Variants in PPP3CC observed in about 807,000 individuals in gnomAD.
PPP3CC encodes the protein protein phosphatase 3 catalytic subunit gamma, also known as serine/threonine-protein phosphatase 2B catalytic subunit gamma isoform.
In PPP3CC, 35 loss-of-function variants were observed where a neutral mutation model predicts 60.3. The observed-to-expected ratio is 0.58, with a 90% confidence interval of 0.44 to 0.77. The LOEUF (loss-of-function observed/expected upper bound fraction) is 0.77. Ranked by LOEUF, PPP3CC falls within the 30% of genes least tolerant of loss-of-function variation. The pLI, the probability that PPP3CC is intolerant of heterozygous loss-of-function variation, is 0.00. For missense variants in PPP3CC, 570 were observed against 628.9 expected (o/e 0.91, Z 1.00); for synonymous variants, 206 against 224.3 (o/e 0.92, Z 0.73).
intron 4 of PPP3CC, among the ~76,000 whole-genome samples, chr8:22,502,881 T>C (rs1467987690): frequency 6.6e-6 from 1 of 152,078 alleles, no homozygotes; most frequent in Non-Finnish European, 1.5e-5. Flanking sequence ...TTGTTTTGTT[T>C]TTGTTTTGTT....
At chr8:22,473,655 G>A (rs974586419) in intron 1 of PPP3CC, among the ~76,000 whole-genome samples, 64 of 151,892 alleles carry the variant, frequency 4.2e-4, no homozygotes, top group African/African-American at 1.5e-3. Flanking sequence ...GTAAAGACAG[G>A]GTTTCACCAT....
At chr8:22,531,285 G>A in intron 10 of PPP3CC, 1 of 1,528,186 alleles carries the variant, frequency 6.5e-7, no homozygotes, top group Non-Finnish European at 8.8e-7. Context: ...GTTTCTTGGT[G>A]TTTCTTCTCC....
At position 22,475,075 on chromosome 8, in the gene PPP3CC, C is replaced by T. The variant is rs773699670; in HGVS notation, c.171C>T (p.Ala57=). The change falls in exon 2 of 14, where the codon GCC becomes GCT. Residue 57 remains alanine, a synonymous_variant. Transcript: ENST00000240139. The stretch of plus-strand genomic sequence containing the variant: ...AAGGACGACTGGAAGAGGAAGTAGC[C>T]TTAAAGATAATCAATGATGGGGCTG... ...VKEGRLEEEV[A]LKIINDGAAI... The T allele has an allele frequency of 5.9e-5, 96 of 1,613,610 alleles. No homozygotes were observed. In the East Asian group the frequency reaches 2.1e-3, roughly 36 times the overall value.
intron 1 of PPP3CC, among the ~76,000 whole-genome samples, chr8:22,444,990 A>G (rs904504600): frequency 6.6e-6 from 1 of 152,242 alleles, no homozygotes; most frequent in Admixed American, 6.5e-5. Flanking sequence ...TAGGAATTAC[A>G]TGACAAATAT....
chr8:22,450,734 C>T (rs1836988451), intron 1 of PPP3CC, among the ~76,000 whole-genome samples: 1 of 152,220 alleles, frequency 6.6e-6, no homozygotes, highest in South Asian at 2.1e-4. Flanking sequence ...CATGCTAAAC[C>T]TCTCTAGGCT....
At chr8:22,490,574 G>T (rs1332454391) in intron 3 of PPP3CC, among the ~76,000 whole-genome samples, 1 of 151,756 alleles carries the variant, frequency 6.6e-6, no homozygotes, top group Non-Finnish European at 1.5e-5. Flanking sequence ...TTTACATTAG[G>T]TATATCTCCT....
In PPP3CC at chr8:22,522,636, A is replaced by C; in HGVS notation, c.849-19A>C. On this transcript the variant is annotated intron_variant, in intron 7 of 13. Coordinates refer to ENST00000240139, the MANE Select transcript of PPP3CC (RefSeq NM_005605.5). ...TTGCATTTAATATGCAGACAGATGG[A>C]CTTTCATCTCTTTTTCAGGTATCGA... 6.3e-7 allele frequency: 1 copy of C among 1,591,300 alleles called. No homozygotes were observed. The highest frequency in any genetic ancestry group is 8.6e-7 in the Non-Finnish European group (1 of 1,161,702).
intron 1 of PPP3CC, among the ~76,000 whole-genome samples, chr8:22,447,261 G>C (rs1028926015): frequency 1.4e-4 from 21 of 146,040 alleles, no homozygotes; most frequent in African/African-American, 5.3e-4. Flanking sequence ...CTCACTGCAA[G>C]CTCTGCCTCC....
intron 10 of PPP3CC, among the ~76,000 whole-genome samples, chr8:22,531,026 C>G (rs375535022): frequency 6.6e-6 from 1 of 152,044 alleles, no homozygotes. Flanking sequence ...TTTTCATGAT[C>G]TGTGGGGTTA....
intron 3 of PPP3CC, among the ~76,000 whole-genome samples, chr8:22,489,650 A>AATAAGTATATGTTATAT (rs1838324107): frequency 2.1e-5 from 2 of 93,858 alleles, no homozygotes; most frequent in South Asian, 3.3e-4. Context: ...TATAATATAC[A>AATAAGTATATGTTATAT]ATAAGTATAT....
At chr8:22,500,069 G>T (rs192834258) in intron 4 of PPP3CC, among the ~76,000 whole-genome samples, 238 of 152,274 alleles carry the variant, frequency 1.6e-3, no homozygotes, top group African/African-American at 5.5e-3. Flanking sequence ...TGATTTGTAT[G>T]TTTAGAACAC....
At chr8:22,467,896 G>C (rs1476820111) in intron 1 of PPP3CC, among the ~76,000 whole-genome samples, 1 of 152,164 alleles carries the variant, frequency 6.6e-6, no homozygotes, top group Non-Finnish European at 1.5e-5. Context: ...GTCCTCACGT[G>C]GCAGAAGGGA....
chr8:22,506,989 C>A (rs923068021), intron 4 of PPP3CC, among the ~76,000 whole-genome samples: 1 of 151,756 alleles, frequency 6.6e-6, no homozygotes, highest in African/African-American at 2.4e-5. Flanking sequence ...AGCTATGTCT[C>A]ACGCCTGTAA....
At chr8:22,530,135 C>G (rs1423668173) in intron 10 of PPP3CC, among the ~76,000 whole-genome samples, 1 of 152,148 alleles carries the variant, frequency 6.6e-6, no homozygotes, top group African/African-American at 2.4e-5. Context: ...CACTGAAGAT[C>G]AACAGCATAT....
chr8:22,506,898 C>T (rs2449342), intron 4 of PPP3CC, among the ~76,000 whole-genome samples: 67,338 of 151,434 alleles, frequency 0.44, 15,182 homozygotes, highest in East Asian at 0.6. Context: ...GCCGAGATTG[C>T]GCCACTGCAC....
chr8:22,450,127 C>G (rs1342405531), intron 1 of PPP3CC, among the ~76,000 whole-genome samples: 1 of 152,018 alleles, frequency 6.6e-6, no homozygotes, highest in Non-Finnish European at 1.5e-5. Context: ...CCTTGGTCTC[C>G]CAAAGTGCTG....
chr8:22,455,881 A>T (rs1172629701), intron 1 of PPP3CC, among the ~76,000 whole-genome samples: 1 of 152,238 alleles, frequency 6.6e-6, no homozygotes, highest in South Asian at 2.1e-4. Flanking sequence ...TTCTGTGACT[A>T]TCAAAGACCA....
At chr8:22,499,224 G>A (rs1362182473) in intron 4 of PPP3CC, among the ~76,000 whole-genome samples, 2 of 151,716 alleles carry the variant, frequency 1.3e-5, no homozygotes, top group Non-Finnish European at 2.9e-5. Flanking sequence ...TGGATCATGA[G>A]GTCAGGAGAT....
intron 6 of PPP3CC, among the ~76,000 whole-genome samples, chr8:22,518,772 C>T (rs574201565): frequency 3.9e-5 from 6 of 152,182 alleles, no homozygotes; most frequent in Admixed American, 1.3e-4. Flanking sequence ...CTGCAACCTC[C>T]GCTTCCTGGG....
Sources: allele counts gnomAD v4.1 joint callset (sites outside exome capture counted in the v4.1 genomes callset), GRCh38; gene constraint gnomAD v4.1.1; transcripts MANE v1.5; gene names NCBI Gene and HGNC (gene_info 2026-07-23, HGNC 2026-07-21).